PTPRD: variants seen among roughly 807,000 people sequenced by gnomAD.
PTPRD encodes the protein receptor-type tyrosine-protein phosphatase delta.
Under a neutral mutation model 214.5 loss-of-function variants are expected in PTPRD, and 34 were observed. The ratio of observed to expected loss-of-function variants is 0.16; its 90% CI spans 0.12 to 0.21. The LOEUF is 0.21. Among genes scored for constraint, PTPRD ranks in the 10% least tolerant of loss-of-function variants. PTPRD has a pLI of 1.00. For missense variants in PTPRD, 2,545 were observed against 2,398.7 expected, an observed-to-expected ratio of 1.06 and a Z score of -1.27; for synonymous variants, 1,128 against 845.7, an observed-to-expected ratio of 1.33 and a Z score of -5.79.
At chr9:8,644,916 C>T (rs540154840) in intron 12 of PTPRD, among the ~76,000 whole-genome samples, 10 of 152,264 alleles carry the variant, frequency 6.6e-5, no homozygotes, top group East Asian at 5.8e-4. Flanking sequence ...ACAAGACCAA[C>T]GGGCCTGAGC....
intron 11 of PTPRD, among the ~76,000 whole-genome samples, chr9:8,873,725 G>A (rs761310658): frequency 6.6e-6 from 1 of 152,122 alleles, no homozygotes; most frequent in Non-Finnish European, 1.5e-5. Flanking sequence ...TTTAAAGAAT[G>A]AAAGCATTGG....
intron 3 of PTPRD, among the ~76,000 whole-genome samples, chr9:10,302,248 C>G (rs1009159199): frequency 8.5e-5 from 13 of 152,164 alleles, no homozygotes; most frequent in African/African-American, 3.1e-4. Flanking sequence ...GCTTGCCTTA[C>G]AAGAGCTCCT....
chr9:10,417,481 G>A (rs901383186), intron 2 of PTPRD, among the ~76,000 whole-genome samples: 2 of 151,800 alleles, frequency 1.3e-5, no homozygotes, highest in African/African-American at 4.8e-5. Flanking sequence ...TAACTAAGAA[G>A]TATAGCAAGT....
At chr9:9,221,321 T>C (rs1262559875) in intron 9 of PTPRD, among the ~76,000 whole-genome samples, 1 of 152,122 alleles carries the variant, frequency 6.6e-6, no homozygotes, top group Non-Finnish European at 1.5e-5. Context: ...CTGGTTACAC[T>C]GGCTTCCTAA....
At chr9:9,082,987 T>G (rs2099761492) in intron 10 of PTPRD, among the ~76,000 whole-genome samples, 1 of 152,170 alleles carries the variant, frequency 6.6e-6, no homozygotes. Context: ...CAAAGTAATT[T>G]ATAGATTCAA....
chr9:9,767,648 AT>A (rs2098717705), intron 5 of PTPRD, among the ~76,000 whole-genome samples: 1 of 152,102 alleles, frequency 6.6e-6, no homozygotes, highest in African/African-American at 2.4e-5. Flanking sequence ...CACTTTGTTC[AT>A]ATGTTCTGGC....
chr9:10,209,951 G>A (rs2099508083), intron 3 of PTPRD, among the ~76,000 whole-genome samples: 1 of 151,972 alleles, frequency 6.6e-6, no homozygotes, highest in African/African-American at 2.4e-5. Flanking sequence ...AGAAAACAAT[G>A]TAACAATCAG....
At chr9:9,223,982 T>TTGA (rs2099957820) in intron 9 of PTPRD, among the ~76,000 whole-genome samples, 1 of 152,048 alleles carries the variant, frequency 6.6e-6, no homozygotes, top group South Asian at 2.1e-4. Flanking sequence ...GAACTAAGTA[T>TTGA]TGAATATAAC....
At chr9:8,334,376 A>T (rs182442638) in intron 43 of PTPRD, among the ~76,000 whole-genome samples, 5,625 of 150,594 alleles carry the variant, frequency 0.037, 175 homozygotes, top group South Asian at 0.16. Context: ...CTCAAGATTA[A>T]AAAAAAAACC....
At chr9:8,363,356 C>G (rs993517430) in intron 39 of PTPRD, among the ~76,000 whole-genome samples, 3 of 152,082 alleles carry the variant, frequency 2.0e-5, no homozygotes, top group African/African-American at 7.2e-5. Context: ...AGCCTTACCG[C>G]AGTGAAGGGA....
chr9:8,486,762 C>G (rs1425022837), intron 27 of PTPRD, among the ~76,000 whole-genome samples: 1 of 152,170 alleles, frequency 6.6e-6, no homozygotes, highest in Non-Finnish European at 1.5e-5. Context: ...CGGCGTCACG[C>G]TAAGTGCATT....
At chr9:9,647,696 G>C (rs147396269) in intron 7 of PTPRD, among the ~76,000 whole-genome samples, 4 of 152,150 alleles carry the variant, frequency 2.6e-5, no homozygotes, top group African/African-American at 7.2e-5. Context: ...TCTGAGCAAT[G>C]TTCTAATTTC....
At position 9,996,438 on chromosome 9, in the gene PTPRD, C is replaced by A. The variant is rs534972516; in HGVS notation, c.-472+37280G>T. Among the ~76,000 whole-genome samples the A allele has an allele frequency of 7.2e-5, 11 of 152,190 alleles. No homozygotes were observed. In the East Asian group the frequency reaches 1.9e-3, roughly 27 times the overall value. On this transcript the variant is annotated intron_variant, in intron 4 of 45. Transcript: ENST00000381196. ...ACAAAACACTGGCAAATGAGATGTC[C>A]ATAGAGAGCTCTGAGAGAATGTAAA...
intron 14 of PTPRD, among the ~76,000 whole-genome samples, chr9:8,539,236 C>A (rs919040526): frequency 6.6e-6 from 1 of 151,844 alleles, no homozygotes; most frequent in Admixed American, 6.6e-5. Flanking sequence ...CAAAGGGACT[C>A]CCTACATAAA....
intron 14 of PTPRD, among the ~76,000 whole-genome samples, chr9:8,557,049 T>C (rs2084038692): frequency 6.6e-6 from 1 of 152,138 alleles, no homozygotes; most frequent in Admixed American, 6.5e-5. Context: ...AGGAAGTGGT[T>C]TGTGGTATAC....
At chr9:8,839,922 T>G (rs1349888969) in intron 11 of PTPRD, among the ~76,000 whole-genome samples, 6 of 152,168 alleles carry the variant, frequency 3.9e-5, no homozygotes, top group Non-Finnish European at 7.3e-5. Context: ...ATGTACTGAA[T>G]AGCAAATTCA....
chr9:9,261,917 G>A (rs1331607778), intron 9 of PTPRD, among the ~76,000 whole-genome samples: 4 of 151,632 alleles, frequency 2.6e-5, no homozygotes, highest in East Asian at 3.9e-4. Context: ...TTCCCAGGAA[G>A]GCATCCTACT....
chr9:8,483,352 T>A (rs1014373380), intron 30 of PTPRD, among the ~76,000 whole-genome samples: 1 of 152,248 alleles, frequency 6.6e-6, no homozygotes. Context: ...CCCCCCTTTT[T>A]TTCAACCTTT....
At chr9:10,037,365 A>G (rs959118787) in intron 3 of PTPRD, among the ~76,000 whole-genome samples, 1 of 151,968 alleles carries the variant, frequency 6.6e-6, no homozygotes, top group Non-Finnish European at 1.5e-5. Context: ...GTGAGTAACA[A>G]TGAGATCTGG....
Sources: allele counts gnomAD v4.1 joint callset (sites outside exome capture counted in the v4.1 genomes callset), GRCh38; gene constraint gnomAD v4.1.1; transcripts MANE v1.5; gene names NCBI Gene and HGNC (gene_info 2026-07-23, HGNC 2026-07-21).